ASIC2: variants seen among roughly 807,000 people sequenced by gnomAD.
ASIC2 encodes the protein acid-sensing ion channel 2.
A neutral mutation model predicts 57.3 loss-of-function variants in ASIC2; 25 were observed. The ratio of observed to expected loss-of-function variants is 0.44; its 90% confidence interval spans 0.32 to 0.61. The LOEUF (loss-of-function observed/expected upper bound fraction) is 0.61, where lower values mean the gene tolerates loss of function less well. Among genes scored for constraint, ASIC2 ranks in the 20% least tolerant of loss-of-function variants. The probability of loss-of-function intolerance (pLI) is 0.06; values close to 1 mark genes in which losing one functional copy is unlikely to be tolerated. For missense variants in ASIC2, 641 were observed against 738.1 expected (o/e 0.87, Z 1.52); for synonymous variants, 319 against 307.5 (o/e 1.04, Z -0.39).
At chr17:33,144,311 T>C (rs1175636953) in intron 1 of ASIC2, among the ~76,000 whole-genome samples, 1 of 150,932 alleles carries the variant, frequency 6.6e-6, no homozygotes, top group African/African-American at 2.4e-5. Context: ...GGGCCCATGG[T>C]GAGAGAGGGA....
At chr17:33,415,786 T>C (rs1470362010) in intron 1 of ASIC2, among the ~76,000 whole-genome samples, 1 of 152,212 alleles carries the variant, frequency 6.6e-6, no homozygotes, top group African/African-American at 2.4e-5. Context: ...ATTCTGATCA[T>C]GTTTTCTTTG....
At chr17:33,457,814 G>C (rs1024572203) in intron 1 of ASIC2, among the ~76,000 whole-genome samples, 2 of 152,164 alleles carry the variant, frequency 1.3e-5, no homozygotes, top group Non-Finnish European at 2.9e-5. Flanking sequence ...ATTCTCTTAT[G>C]GATGAAGAAA....
At chr17:33,061,578 G>A (rs1271273550) in intron 3 of ASIC2, among the ~76,000 whole-genome samples, 1 of 152,162 alleles carries the variant, frequency 6.6e-6, no homozygotes, top group African/African-American at 2.4e-5. Context: ...ATTTTACTGA[G>A]GATTTTTGCA....
At chr17:33,464,765 T>G (rs1379970785) in intron 1 of ASIC2, among the ~76,000 whole-genome samples, 1 of 150,736 alleles carries the variant, frequency 6.6e-6, no homozygotes, top group African/African-American at 2.4e-5. Flanking sequence ...CCTACTGAGC[T>G]CATTACCTGG....
chr17:34,141,503 C>T (rs974577651), intron 1 of ASIC2, among the ~76,000 whole-genome samples: 6 of 152,170 alleles, frequency 3.9e-5, no homozygotes, highest in African/African-American at 1.4e-4. Flanking sequence ...GTAAAGTAAT[C>T]TTTTATTTAC....
chr17:33,968,651 G>T (rs1905139631), intron 1 of ASIC2, among the ~76,000 whole-genome samples: 1 of 152,204 alleles, frequency 6.6e-6, no homozygotes, highest in South Asian at 2.1e-4. Flanking sequence ...TGAAGTTGGG[G>T]GCTTCAGCTC....
At chr17:33,228,749 T>A (rs933230181) in intron 1 of ASIC2, among the ~76,000 whole-genome samples, 4 of 152,226 alleles carry the variant, frequency 2.6e-5, no homozygotes, top group African/African-American at 7.2e-5. Flanking sequence ...TACATGCACT[T>A]CCACTATCCT....
At chr17:33,570,740 T>C (rs977996357) in intron 1 of ASIC2, among the ~76,000 whole-genome samples, 4 of 152,194 alleles carry the variant, frequency 2.6e-5, no homozygotes, top group African/African-American at 9.6e-5. Context: ...ATTTAGGAGC[T>C]CCCTGGATAG....
At position 33,395,898 on chromosome 17, in the gene ASIC2, T is replaced by G. The variant is rs567990608; in HGVS notation, c.556-283831A>C. ...TCCCCAGATGCACTTTCAAAATTTA[T>G]GAAATGAGAACATTAGGTGGTGGGG... On this transcript the variant is annotated intron_variant, in intron 1 of 9. Coordinates refer to the ASIC2 transcript ENST00000359872. 2.0e-5 allele frequency among the ~76,000 whole-genome samples: 3 copies of G among 152,296 alleles called. No homozygotes were observed. The South Asian group carries it at 6.2e-4, about 32-fold the overall frequency.
chr17:33,270,992 C>G (rs1030738048), intron 1 of ASIC2, among the ~76,000 whole-genome samples: 7 of 152,224 alleles, frequency 4.6e-5, no homozygotes, highest in South Asian at 2.1e-4. Context: ...ATGGCACCAC[C>G]AGGACCTGGG....
chr17:33,028,312 G>A lies in ASIC2; in HGVS notation c.1068C>T (p.Thr356=), dbSNP rs776651867. Residue 356 remains threonine, a synonymous_variant, in exon 4 of 10, where the codon ACC becomes ACT. Coordinates refer to ENST00000225823, the MANE Select transcript of ASIC2 (RefSeq NM_183377.2). ...GGGTCTCACAGTCAATCCTACAGGC[G>A]GTGATGCTGTAAACAGGAAAAAAGT... is the stretch of plus-strand genomic sequence containing the variant. ...GLDFFPVYSI[T]ACRIDCETRY... The A allele has an allele frequency of 3.1e-6, 5 of 1,613,998 alleles. No homozygotes were observed. The highest frequency in any genetic ancestry group is 3.4e-6 in the Non-Finnish European group (4 of 1,180,040).
intron 2 of ASIC2, among the ~76,000 whole-genome samples, chr17:33,104,219 T>C (rs1239124173): frequency 6.6e-6 from 1 of 152,208 alleles, no homozygotes; most frequent in African/African-American, 2.4e-5. Flanking sequence ...AACCCTTCGA[T>C]TGCCATTTAG....
At position 33,656,900 on chromosome 17, in the gene ASIC2, T is replaced by G. The variant is rs186909845; in HGVS notation, c.555+499078A>C. Among the ~76,000 whole-genome samples the G allele has an allele frequency of 3.9e-5, 6 of 152,294 alleles. No homozygotes were observed. In the East Asian group the frequency reaches 1.2e-3, roughly 29 times the overall value. ...AAGCAGAAGTCTTGTGAAGGTGTTG[T>G]TGGGAAAGAGAATTGTTCAGATATG... On this transcript the variant is annotated intron_variant, in intron 1 of 9. Coordinates refer to the ASIC2 transcript ENST00000359872.
In ASIC2 at chr17:33,810,329, T is replaced by C. The variant is rs570332083; in HGVS notation, c.555+345649A>G. Among the ~76,000 whole-genome samples, 4 of 152,338 alleles carry C rather than the reference T, an allele frequency of 2.6e-5. No individual in the cohort carries two copies. In the South Asian group the frequency reaches 8.3e-4, roughly 32 times the overall value. ...GTCTATTCTATTGGTTTCCAAACTT[T>C]GCTGCACATTAGAATCATTTGGGGA... On this transcript the variant is annotated intron_variant, in intron 1 of 9. Transcript: ENST00000359872.
chr17:33,590,464 T>G (rs1904790161), intron 1 of ASIC2, among the ~76,000 whole-genome samples: 1 of 152,056 alleles, frequency 6.6e-6, no homozygotes, highest in Admixed American at 6.6e-5. Context: ...GGTTTCTTAT[T>G]TACTACCAGG....
intron 1 of ASIC2, among the ~76,000 whole-genome samples, chr17:34,152,825 C>A (rs1904576664): frequency 6.6e-6 from 1 of 152,192 alleles, no homozygotes; most frequent in Non-Finnish European, 1.5e-5. Flanking sequence ...ACACCATGGG[C>A]AGAGACACAA....
At chr17:33,308,446 G>C (rs552600857) in intron 1 of ASIC2, among the ~76,000 whole-genome samples, 1 of 152,172 alleles carries the variant, frequency 6.6e-6, no homozygotes, top group African/African-American at 2.4e-5. Flanking sequence ...AAATCATTTG[G>C]ACTTCATGGT....
chr17:33,266,105 C>A (rs533558802), intron 1 of ASIC2, among the ~76,000 whole-genome samples: 21 of 152,312 alleles, frequency 1.4e-4, no homozygotes, highest in African/African-American at 5.1e-4. Flanking sequence ...TGTTTGACAC[C>A]TTGCCATTCA....
At chr17:33,129,072 G>A (rs1436280498) in intron 1 of ASIC2, among the ~76,000 whole-genome samples, 1 of 152,200 alleles carries the variant, frequency 6.6e-6, no homozygotes, top group East Asian at 1.9e-4. Context: ...AGATAATGCT[G>A]CAATTTGGTT....
Sources: gnomAD v4.1 joint callset for allele counts (sites outside exome capture counted in the v4.1 genomes callset) on GRCh38, gnomAD v4.1.1 for gene constraint, MANE v1.5 for transcripts, NCBI Gene and HGNC (gene_info 2026-07-23, HGNC 2026-07-21) for gene names.